PRKAA2: variants seen among roughly 807,000 people sequenced by gnomAD.
The protein encoded by PRKAA2 is 5'-AMP-activated protein kinase catalytic subunit alpha-2.
A neutral mutation model predicts 56.3 loss-of-function variants in PRKAA2; 40 were observed. The ratio of observed to expected loss-of-function variants is 0.71; its 90% CI spans 0.55 to 0.92. The LOEUF is 0.92. Ranked by LOEUF, PRKAA2 falls within the 40% of genes least tolerant of loss-of-function variation. PRKAA2 has a pLI of 0.00. For synonymous variants in PRKAA2, 214 were observed against 234.2 expected, an observed-to-expected ratio of 0.91 and a Z score of 0.79; for missense variants, 542 against 686.9, an observed-to-expected ratio of 0.79 and a Z score of 2.36.
At chr1:56,689,112 CTTCTT>C (rs1048282190) in intron 2 of PRKAA2, among the ~76,000 whole-genome samples, 1 of 152,064 alleles carries the variant, frequency 6.6e-6, no homozygotes, top group African/African-American at 2.4e-5. Context: ...AATGTCATCA[CTTCTT>C]TTCTTTTGTG....
At chr1:56,653,979 G>A (rs933656178) in intron 1 of PRKAA2, among the ~76,000 whole-genome samples, 6 of 152,078 alleles carry the variant, frequency 3.9e-5, no homozygotes, top group African/African-American at 1.4e-4. Flanking sequence ...TGGGAAGGGG[G>A]AAAGTGTGGG....
At chr1:56,700,295 C>G (rs980222340) in intron 6 of PRKAA2, among the ~76,000 whole-genome samples, 1 of 152,132 alleles carries the variant, frequency 6.6e-6, no homozygotes, top group African/African-American at 2.4e-5. Context: ...GTCTCCCATC[C>G]TTTGCTAATG....
chr1:56,662,499 T>G (rs1304424542), intron 1 of PRKAA2, among the ~76,000 whole-genome samples: 1 of 152,192 alleles, frequency 6.6e-6, no homozygotes, highest in African/African-American at 2.4e-5. Context: ...CCTAGGCTCG[T>G]CTCAAACTCC....
At chr1:56,683,624 G>A (rs1261008972) in intron 2 of PRKAA2, among the ~76,000 whole-genome samples, 1 of 152,078 alleles carries the variant, frequency 6.6e-6, no homozygotes, top group East Asian at 1.9e-4. Context: ...GTGGTGGAGG[G>A]GTGGTGGGGA....
chr1:56,691,592 A>G (rs1309222848), intron 3 of PRKAA2, 105 bp downstream of exon 3: 1 of 775,488 alleles, frequency 1.3e-6, no homozygotes, highest in Non-Finnish European at 1.9e-6. Context: ...AGTTGCTTTT[A>G]TGGTAGTGCT....
Position 56,709,964 on chromosome 1 carries a change from C to T in PRKAA2, c.*2251C>T, listed in dbSNP as rs543052525. 19 of 152,116 alleles carry T rather than the reference C, an allele frequency of 1.2e-4. No individual in the cohort carries two copies. The highest frequency in any genetic ancestry group is 4.6e-4 in the African/African-American group (19 of 41,518). The allele number at this position is 152,116 out of a possible 1,614,324, so 9.4% of individuals were successfully genotyped here. A position where few individuals can be genotyped will look rare whatever the true frequency, so the allele number is the denominator to read the frequency against. ...TTCTTTTATGTGTATGTTTTTAAAACAGCTATTTTGTGAATCTAGGTGGTT... is the reference window on the plus strand; with the variant it reads ...TTCTTTTATGTGTATGTTTTTAAAATAGCTATTTTGTGAATCTAGGTGGTT... On this transcript the variant is annotated 3_prime_UTR_variant, in exon 9 of 9. Coordinates refer to ENST00000371244, the MANE Select transcript of PRKAA2 (RefSeq NM_006252.4).
chr1:56,677,095 G>A (rs1189812420), intron 2 of PRKAA2, among the ~76,000 whole-genome samples: 1 of 152,074 alleles, frequency 6.6e-6, no homozygotes, highest in Non-Finnish European at 1.5e-5. Flanking sequence ...CCATGAGCTT[G>A]GTAACTCACC....
chr1:56,645,655 C>G (rs1246748859), intron 1 of PRKAA2, among the ~76,000 whole-genome samples, 174 bp downstream of exon 1: 1 of 151,864 alleles, frequency 6.6e-6, no homozygotes, highest in Non-Finnish European at 1.5e-5. Flanking sequence ...TCGCCTGGCA[C>G]CGGCGCCCGG....
chr1:56,684,772 G>C (rs2100416695), intron 2 of PRKAA2, among the ~76,000 whole-genome samples: 1 of 152,178 alleles, frequency 6.6e-6, no homozygotes, highest in Non-Finnish European at 1.5e-5. Context: ...GTTTAAGAGG[G>C]AATATGAGAT....
chr1:56,681,461 G>A (rs1644154694), intron 2 of PRKAA2, among the ~76,000 whole-genome samples: 1 of 152,146 alleles, frequency 6.6e-6, no homozygotes. Context: ...TATTGCCTAG[G>A]TTTTCTTCTA....
At chr1:56,688,562 G>A (rs555185254) in intron 2 of PRKAA2, among the ~76,000 whole-genome samples, 18 of 152,152 alleles carry the variant, frequency 1.2e-4, no homozygotes, top group Non-Finnish European at 1.9e-4. Context: ...GCTCACTCAG[G>A]TCATAGTATA....
At chr1:56,691,514 A>G (rs771789730) in intron 3 of PRKAA2, 27 bp downstream of exon 3, 2 of 1,526,436 alleles carry the variant, frequency 1.3e-6, no homozygotes, top group Non-Finnish European at 1.8e-6. Flanking sequence ...CTGGTACACT[A>G]AATCTCTAAA....
intron 3 of PRKAA2, 90 bp from the exon 4 acceptor site, chr1:56,692,268 G>C: frequency 6.6e-7 from 1 of 1,504,212 alleles, no homozygotes. Flanking sequence ...CTGACCTCAG[G>C]TAATCCACCT....
intron 2 of PRKAA2, among the ~76,000 whole-genome samples, chr1:56,684,040 T>C (rs1407175886): frequency 1.5e-4 from 23 of 152,030 alleles, no homozygotes. Context: ...TACAGCATAG[T>C]GTAGTAGTGT....
chr1:56,689,586 G>T (rs192482748), intron 2 of PRKAA2, among the ~76,000 whole-genome samples: 31 of 152,138 alleles, frequency 2.0e-4, no homozygotes, highest in Non-Finnish European at 3.7e-4. Context: ...GGGCATGGTG[G>T]TGCATGCCTG....
chr1:56,645,659 C>T (rs2100370709), intron 1 of PRKAA2, among the ~76,000 whole-genome samples, 178 bp downstream of exon 1: 1 of 152,042 alleles, frequency 6.6e-6, no homozygotes, highest in South Asian at 2.1e-4. Context: ...CTGGCACCGG[C>T]GCCCGGGCCC....
chr1:56,652,311 T>G (rs1448518762), intron 1 of PRKAA2, among the ~76,000 whole-genome samples: 1 of 151,884 alleles, frequency 6.6e-6, no homozygotes, highest in Non-Finnish European at 1.5e-5. Flanking sequence ...GCGCCCGGCC[T>G]CACCCGGCTA....
At position 56,712,902 on chromosome 1, in the gene PRKAA2, T is replaced by A. The variant is rs1049204580; in HGVS notation, c.*5189T>A. 1 of 152,202 alleles carries A rather than the reference T, an allele frequency of 6.6e-6. No homozygotes were observed. The highest frequency in any genetic ancestry group is 2.4e-5 in the African/African-American group (1 of 41,562). 9.4% of individuals were successfully genotyped at this position (152,202 alleles called of 1,614,324 possible). On this transcript the variant is annotated 3_prime_UTR_variant, in exon 9 of 9. Transcript: ENST00000371244. ...AACTAGCCCCAGTCCCTGTCTAAATTGTTATAGTTTTTGACTATTATCTGA... is the reference window on the plus strand; with the variant it reads ...AACTAGCCCCAGTCCCTGTCTAAATAGTTATAGTTTTTGACTATTATCTGA...
At chr1:56,655,280 A>ATATATAT in intron 1 of PRKAA2, among the ~76,000 whole-genome samples, 154 of 93,654 alleles carry the variant, frequency 1.6e-3, no homozygotes, top group South Asian at 0.013. Flanking sequence ...ATATATATAT[A>ATATATAT]TTTTTTTTTT....
Sources: gnomAD v4.1 joint callset for allele counts (sites outside exome capture counted in the v4.1 genomes callset) on GRCh38, gnomAD v4.1.1 for gene constraint, MANE v1.5 for transcripts, NCBI Gene and HGNC (gene_info 2026-07-23, HGNC 2026-07-21) for gene names.